ADCY2: variants seen among roughly 807,000 people sequenced by gnomAD.
ADCY2 encodes the protein adenylate cyclase type 2.
ADCY2 carries 31 observed loss-of-function variants against 125.2 expected under a neutral mutation model. That is an observed-to-expected ratio of 0.25 (90% CI 0.19 to 0.33). The LOEUF is 0.33. Among genes scored for constraint, ADCY2 ranks in the 10% least tolerant of loss-of-function variants. The probability of loss-of-function intolerance (pLI) is 1.00; values close to 1 mark genes in which losing one functional copy is unlikely to be tolerated. For missense variants in ADCY2, 904 were observed against 1,418.2 expected (o/e 0.64, Z 5.82); for synonymous variants, 512 against 548.4 (o/e 0.93, Z 0.93).
At chr5:7,493,753 CG>C (rs1743249452) in intron 2 of ADCY2, among the ~76,000 whole-genome samples, 1 of 152,084 alleles carries the variant, frequency 6.6e-6, no homozygotes, top group Non-Finnish European at 1.5e-5. Context: ...AGTTCAATCA[CG>C]GGATACAACA....
At chr5:7,504,482 T>C (rs1366905350) in intron 2 of ADCY2, among the ~76,000 whole-genome samples, 1 of 152,308 alleles carries the variant, frequency 6.6e-6, no homozygotes, top group East Asian at 1.9e-4. Context: ...AGGCAGGAAT[T>C]TATATACACC....
At chr5:7,461,647 T>C (rs945908430) in intron 2 of ADCY2, among the ~76,000 whole-genome samples, 2 of 152,342 alleles carry the variant, frequency 1.3e-5, no homozygotes, top group East Asian at 3.9e-4. Flanking sequence ...CACTCTTTTG[T>C]ATGGGGCTCT....
At chr5:7,731,497 T>G (rs1406939429) in intron 14 of ADCY2, among the ~76,000 whole-genome samples, 1 of 152,140 alleles carries the variant, frequency 6.6e-6, no homozygotes, top group Non-Finnish European at 1.5e-5. Context: ...CTCAAAGATC[T>G]GCCTGCCTTG....
intron 7 of ADCY2, among the ~76,000 whole-genome samples, chr5:7,701,511 A>G (rs6871397): frequency 0.27 from 40,454 of 152,120 alleles, 6,795 homozygotes; most frequent in Non-Finnish European, 0.38. Flanking sequence ...AAAAATGTAC[A>G]GTGATACATA....
At chr5:7,805,443 C>CGTGT (rs765541337) in intron 22 of ADCY2, among the ~76,000 whole-genome samples, 1 of 151,634 alleles carries the variant, frequency 6.6e-6, no homozygotes, top group African/African-American at 2.4e-5. Context: ...GAGATTTTCT[C>CGTGT]GTGTGTGTGT....
At chr5:7,597,050 G>A (rs1306215224) in intron 3 of ADCY2, among the ~76,000 whole-genome samples, 3 of 152,194 alleles carry the variant, frequency 2.0e-5, no homozygotes, top group Admixed American at 2.0e-4. Context: ...CAAAAGATTT[G>A]TCTCAGGTTG....
At position 7,766,739 on chromosome 5, in the gene ADCY2, AC is replaced by A; in HGVS notation, c.2148del (p.Asn716LysfsTer33). ...ETIPPTANTTNTSFSASNNQV... is the reference protein window; with the variant it reads ...ETIPPTANTTXTSFSASNNQV... ...ATCCCTCCAACTGCCAACACAACAA[AC>A]ACAAGCTTTTCAGCCTCAAATAATC... is the stretch of plus-strand genomic sequence containing the variant. On this transcript the variant is annotated frameshift_variant, in exon 17 of 25. Coordinates refer to ENST00000338316, the MANE Select transcript of ADCY2 (RefSeq NM_020546.3). LOFTEE classifies it high-confidence loss of function. 6.2e-7 allele frequency: 1 copy of A among 1,612,742 alleles called. No homozygotes were observed.
chr5:7,533,734 G>A (rs1314826652), intron 3 of ADCY2, among the ~76,000 whole-genome samples: 1 of 152,148 alleles, frequency 6.6e-6, no homozygotes, highest in Admixed American at 6.6e-5. Context: ...GGCAATAGGA[G>A]ATTTATTTTC....
chr5:7,465,391 C>A (rs1453998724), intron 2 of ADCY2, among the ~76,000 whole-genome samples: 3 of 152,160 alleles, frequency 2.0e-5, no homozygotes, highest in African/African-American at 7.2e-5. Flanking sequence ...TCAGTATCCA[C>A]CTTCCTTGTT....
At chr5:7,597,085 G>A (rs1432953363) in intron 3 of ADCY2, among the ~76,000 whole-genome samples, 1 of 152,172 alleles carries the variant, frequency 6.6e-6, no homozygotes, top group Non-Finnish European at 1.5e-5. Flanking sequence ...GCAAAATCCA[G>A]AAATTTCTAT....
intron 2 of ADCY2, among the ~76,000 whole-genome samples, chr5:7,503,503 T>C (rs1389816544): frequency 6.6e-6 from 1 of 152,212 alleles, no homozygotes; most frequent in African/African-American, 2.4e-5. Context: ...AATAACTGCA[T>C]GTGAGTTTTA....
At chr5:7,397,017 A>G (rs184831572) in intron 1 of ADCY2, among the ~76,000 whole-genome samples, 11 of 152,340 alleles carry the variant, frequency 7.2e-5, no homozygotes, top group Non-Finnish European at 1.2e-4. Flanking sequence ...GAAAATGAAG[A>G]AGAAAAATTA....
intron 2 of ADCY2, among the ~76,000 whole-genome samples, chr5:7,461,962 C>A (rs963650431): frequency 1.4e-4 from 22 of 152,192 alleles, no homozygotes; most frequent in African/African-American, 5.1e-4. Context: ...GTCAGAATCT[C>A]CCTGAGAAGG....
chr5:7,758,312 A>T (rs570943604), intron 16 of ADCY2, among the ~76,000 whole-genome samples: 42 of 152,248 alleles, frequency 2.8e-4, no homozygotes, highest in African/African-American at 8.9e-4. Flanking sequence ...TCTCCCCCAC[A>T]ATAGACACTT....
intron 3 of ADCY2, among the ~76,000 whole-genome samples, chr5:7,568,119 C>A (rs1375095082): frequency 6.6e-6 from 1 of 152,114 alleles, no homozygotes; most frequent in Non-Finnish European, 1.5e-5. Flanking sequence ...GTTCATTTGG[C>A]ACTCAATGTA....
Position 7,709,394 on chromosome 5 carries a change from C to T in ADCY2, c.1578+7C>T. On this transcript the variant is annotated splice_region_variant and intron_variant, in intron 10 of 24. Coordinates refer to ENST00000338316, the MANE Select transcript of ADCY2 (RefSeq NM_020546.3). The surrounding 1 kb of genome is among the most constrained non-coding windows in gnomAD (Gnocchi z 4.4). Reference sequence around the variant, plus strand: ...CGGCAAGATCAGCACCACGGTATGCCCTCCCCTGCCTCCAATGCCTGAGCA... The same window carrying T: ...CGGCAAGATCAGCACCACGGTATGCTCTCCCCTGCCTCCAATGCCTGAGCA... 1.3e-6 allele frequency: 2 copies of T among 1,559,954 alleles called. No individual in the cohort carries two copies. Among genetic ancestry groups the T allele is most frequent in the Non-Finnish European group, 1.7e-6 (2 of 1,152,386 alleles).
At chr5:7,450,928 T>C (rs539034034) in intron 2 of ADCY2, among the ~76,000 whole-genome samples, 1 of 152,284 alleles carries the variant, frequency 6.6e-6, no homozygotes, top group South Asian at 2.1e-4. Flanking sequence ...CTTAAAATAT[T>C]TCTGAATATT....
chr5:7,555,883 C>CAGAG (rs55948354), intron 3 of ADCY2, among the ~76,000 whole-genome samples: 67 of 150,900 alleles, frequency 4.4e-4, no homozygotes, highest in African/African-American at 1.5e-3. Context: ...CACACACACA[C>CAGAG]AGACATGATT....
intron 4 of ADCY2, chr5:7,685,409 G>A (rs535939187): frequency 1.3e-5 from 2 of 152,356 alleles, no homozygotes; most frequent in Admixed American, 6.5e-5. Flanking sequence ...AAGGCTGACC[G>A]ATTTGGTTGA....
Sources: allele counts gnomAD v4.1 joint callset (sites outside exome capture counted in the v4.1 genomes callset), GRCh38; gene constraint gnomAD v4.1.1; non-coding constraint Gnocchi (gnomAD v3.1); transcripts MANE v1.5; gene names NCBI Gene and HGNC (gene_info 2026-07-23, HGNC 2026-07-21).